CLSTN2: variants seen among roughly 807,000 people sequenced by gnomAD.
CLSTN2 encodes calsyntenin 2.
A neutral mutation model predicts 101.2 loss-of-function variants in CLSTN2; 48 were observed. The ratio of observed to expected loss-of-function variants is 0.47; its 90% CI spans 0.38 to 0.60. CLSTN2 has a LOEUF of 0.60. CLSTN2 is among the 20% of genes least tolerant of loss of function. CLSTN2 has a pLI of 0.00. For synonymous variants in CLSTN2, 481 were observed against 463.6 expected, an observed-to-expected ratio of 1.04 and a Z score of -0.48; for missense variants, 1,160 against 1,238.2, an observed-to-expected ratio of 0.94 and a Z score of 0.95.
chr3:139,981,091 C>T (rs541594913), intron 1 of CLSTN2, among the ~76,000 whole-genome samples: 1 of 151,428 alleles, frequency 6.6e-6, no homozygotes, highest in South Asian at 2.1e-4. Flanking sequence ...GCCTGTGGGT[C>T]ATCTGCACAT....
intron 4 of CLSTN2, among the ~76,000 whole-genome samples, chr3:140,406,011 CA>C (rs34368982): frequency 0.4 from 61,410 of 152,036 alleles, 14,784 homozygotes; most frequent in South Asian, 0.61. Context: ...GGCCTGTCCA[CA>C]TACAGCTCAT....
At chr3:140,409,224 G>A (rs1041673299) in intron 4 of CLSTN2, among the ~76,000 whole-genome samples, 10 of 152,196 alleles carry the variant, frequency 6.6e-5, no homozygotes, top group Admixed American at 2.6e-4. Flanking sequence ...CTCTGCCCCA[G>A]CCCTAACCAT....
intron 2 of CLSTN2, among the ~76,000 whole-genome samples, chr3:140,322,653 T>C (rs928956883): frequency 2.6e-5 from 4 of 152,242 alleles, no homozygotes; most frequent in Non-Finnish European, 4.4e-5. Flanking sequence ...ATGCAGGTTG[T>C]GAAAGAGACA....
chr3:140,128,924 C>T (rs1300379254), intron 1 of CLSTN2, among the ~76,000 whole-genome samples: 2 of 152,098 alleles, frequency 1.3e-5, no homozygotes, highest in African/African-American at 4.8e-5. Flanking sequence ...GAGATTAACA[C>T]ATGAGGTCAT....
chr3:140,165,597 G>A (rs57984952), intron 1 of CLSTN2, among the ~76,000 whole-genome samples: 5,528 of 152,042 alleles, frequency 0.036, 351 homozygotes, highest in African/African-American at 0.13. Context: ...TAGGAGTGTA[G>A]GCACAGGGGT....
intron 1 of CLSTN2, among the ~76,000 whole-genome samples, chr3:139,975,060 C>T (rs1172610291): frequency 6.6e-6 from 1 of 152,180 alleles, no homozygotes; most frequent in Non-Finnish European, 1.5e-5. Context: ...GCTGTGTGTG[C>T]AGACAGGAGG....
intron 1 of CLSTN2, among the ~76,000 whole-genome samples, chr3:140,083,025 C>A (rs1662562516): frequency 6.6e-6 from 1 of 152,188 alleles, no homozygotes; most frequent in Non-Finnish European, 1.5e-5. Context: ...TCTACCTTAT[C>A]CCTTCAATAA....
chr3:140,320,555 G>A (rs2087272256), intron 2 of CLSTN2, among the ~76,000 whole-genome samples: 1 of 151,386 alleles, frequency 6.6e-6, no homozygotes, highest in Non-Finnish European at 1.5e-5. Flanking sequence ...ACACCGAGCA[G>A]GCCTGACCTG....
At position 140,563,849 on chromosome 3, in the gene CLSTN2, G is replaced by C. The variant is rs982620136; in HGVS notation, c.2483-112G>C. ...GTACTGCTCTAGAGTTCTACAGCTGGGAAGTGGTAGGGCAGACTTTATCCT... is the reference window on the plus strand; with the variant it reads ...GTACTGCTCTAGAGTTCTACAGCTGCGAAGTGGTAGGGCAGACTTTATCCT... On this transcript the variant is annotated intron_variant, in intron 15 of 16. Coordinates refer to ENST00000458420, the MANE Select transcript of CLSTN2 (RefSeq NM_022131.3). 5 of 1,034,296 alleles carry C rather than the reference G, an allele frequency of 4.8e-6. No homozygotes were observed. In the African/African-American group the frequency reaches 7.9e-5, roughly 16 times the overall value. 64.1% of individuals were successfully genotyped at this position (1,034,296 alleles called of 1,614,324 possible).
chr3:140,057,030 A>G (rs1427071252), intron 1 of CLSTN2, among the ~76,000 whole-genome samples: 1 of 152,048 alleles, frequency 6.6e-6, no homozygotes, highest in East Asian at 1.9e-4. Flanking sequence ...CGCCCTCCCC[A>G]CCCTGCAGCT....
intron 1 of CLSTN2, among the ~76,000 whole-genome samples, chr3:140,004,515 A>G (rs1343684248): frequency 6.6e-6 from 1 of 152,172 alleles, no homozygotes; most frequent in Non-Finnish European, 1.5e-5. Context: ...GAACCTCTAA[A>G]AATATTTAAG....
At chr3:140,211,710 A>G (rs2010857859) in intron 2 of CLSTN2, among the ~76,000 whole-genome samples, 1 of 152,002 alleles carries the variant, frequency 6.6e-6, no homozygotes, top group Non-Finnish European at 1.5e-5. Flanking sequence ...ATGACACCAT[A>G]TTTGAATAGG....
At chr3:140,028,883 C>A (rs1356054536) in intron 1 of CLSTN2, among the ~76,000 whole-genome samples, 4 of 152,042 alleles carry the variant, frequency 2.6e-5, no homozygotes, top group Non-Finnish European at 5.9e-5. Flanking sequence ...GAAAATGGAC[C>A]CTCTGGTCCC....
At chr3:140,459,819 A>G (rs779599673) in intron 7 of CLSTN2, 50 bp downstream of exon 7, 28 of 1,601,222 alleles carry the variant, frequency 1.7e-5, no homozygotes, top group Non-Finnish European at 2.6e-6. Context: ...GCAGCTGCCC[A>G]TTTTGTCACA....
intron 2 of CLSTN2, among the ~76,000 whole-genome samples, chr3:140,266,017 G>C (rs1267029485): frequency 7.9e-5 from 12 of 152,150 alleles, no homozygotes; most frequent in Non-Finnish European, 2.9e-5. Context: ...CAGACCCACT[G>C]TGATTCGTGG....
chr3:140,485,966 C>T (rs181918866), intron 8 of CLSTN2, among the ~76,000 whole-genome samples: 2,454 of 145,574 alleles, frequency 0.017, 60 homozygotes, highest in African/African-American at 0.057. Flanking sequence ...ACCCACTGTC[C>T]GACAACCCCC....
At chr3:140,422,881 GAATA>G (rs1422912841) in intron 5 of CLSTN2, among the ~76,000 whole-genome samples, 1 of 152,238 alleles carries the variant, frequency 6.6e-6, no homozygotes, top group African/African-American at 2.4e-5. Flanking sequence ...ATGAATGAAT[GAATA>G]AATGAATGAA....
At chr3:140,025,897 G>A (rs540279931) in intron 1 of CLSTN2, among the ~76,000 whole-genome samples, 113 of 152,276 alleles carry the variant, frequency 7.4e-4, no homozygotes, top group Admixed American at 1.3e-3. Context: ...ACTGGGCTGC[G>A]TGATAGTGGG....
At chr3:140,376,088 C>T (rs1389737887) in intron 2 of CLSTN2, among the ~76,000 whole-genome samples, 1 of 152,196 alleles carries the variant, frequency 6.6e-6, no homozygotes, top group African/African-American at 2.4e-5. Flanking sequence ...CTCTTCTGCT[C>T]CATGTGCTCT....
Sources: allele counts gnomAD v4.1 joint callset (sites outside exome capture counted in the v4.1 genomes callset), GRCh38; gene constraint gnomAD v4.1.1; transcripts MANE v1.5; gene names NCBI Gene and HGNC (gene_info 2026-07-23, HGNC 2026-07-21).